NTM: variants seen among roughly 807,000 people sequenced by gnomAD.
NTM encodes IgLON family member 2.
A neutral mutation model predicts 42.1 loss-of-function variants in NTM; 13 were observed. The observed-to-expected ratio is 0.31, with a 90% CI of 0.20 to 0.49. The LOEUF is 0.49. NTM is among the 20% of genes least tolerant of loss of function. The pLI is 0.99. For synonymous variants in NTM, 187 were observed against 179.2 expected, an observed-to-expected ratio of 1.04 and a Z score of -0.35; for missense variants, 373 against 452.8, an observed-to-expected ratio of 0.82 and a Z score of 1.60.
At chr11:131,981,965 T>C (rs2065307265) in intron 2 of NTM, among the ~76,000 whole-genome samples, 1 of 151,768 alleles carries the variant, frequency 6.6e-6, no homozygotes. Context: ...TGAGCCAAGA[T>C]TGCACCACTG....
intron 4 of NTM, among the ~76,000 whole-genome samples, chr11:132,276,505 CT>C (rs1176972461): frequency 3.3e-5 from 5 of 152,138 alleles, no homozygotes; most frequent in Non-Finnish European, 7.4e-5. Context: ...TACTCCTTAA[CT>C]GAGGAGAGTG....
intron 1 of NTM, among the ~76,000 whole-genome samples, chr11:131,691,710 C>T (rs1266801836): frequency 1.3e-5 from 2 of 152,202 alleles, no homozygotes; most frequent in Admixed American, 6.5e-5. Flanking sequence ...CGCCAGGTGG[C>T]GCTGGCGCGT....
intron 2 of NTM, among the ~76,000 whole-genome samples, chr11:131,930,088 G>T (rs2134075678): frequency 6.6e-6 from 1 of 152,128 alleles, no homozygotes; most frequent in African/African-American, 2.4e-5. Flanking sequence ...GTGACTTTTT[G>T]GTCTGTATTT....
At chr11:131,591,264 G>T (rs1341202422) in intron 1 of NTM, among the ~76,000 whole-genome samples, 6 of 152,306 alleles carry the variant, frequency 3.9e-5, no homozygotes, top group East Asian at 3.9e-4. Context: ...GCACTGAAAG[G>T]TCCCTGGGGA....
intron 1 of NTM, among the ~76,000 whole-genome samples, chr11:131,391,660 A>AG (rs1345460306): frequency 9.3e-5 from 14 of 149,774 alleles, no homozygotes; most frequent in Non-Finnish European, 2.1e-4. Context: ...AAAAAAAAAA[A>AG]AAAGAAAAGA....
intron 1 of NTM, among the ~76,000 whole-genome samples, chr11:131,515,434 G>T (rs986574704): frequency 6.6e-6 from 1 of 152,256 alleles, no homozygotes; most frequent in East Asian, 1.9e-4. Flanking sequence ...TTAATCACCT[G>T]CAGCAGCAAC....
chr11:131,803,662 C>T (rs965549253), intron 1 of NTM, among the ~76,000 whole-genome samples: 1 of 152,186 alleles, frequency 6.6e-6, no homozygotes, highest in Admixed American at 6.5e-5. Context: ...AGCCAACCTA[C>T]TTGTTTCTGC....
chr11:132,296,590 G>C (rs901289188), intron 4 of NTM, among the ~76,000 whole-genome samples: 1 of 152,106 alleles, frequency 6.6e-6, no homozygotes, highest in South Asian at 2.1e-4. Context: ...AAGAGACGTC[G>C]CCATACTGAG....
chr11:131,998,573 T>A (rs1158696215), intron 2 of NTM, among the ~76,000 whole-genome samples: 1 of 152,156 alleles, frequency 6.6e-6, no homozygotes, highest in Admixed American at 6.5e-5. Context: ...AAAAACCTGA[T>A]CTTTAAAACC....
At chr11:132,312,486 G>A (rs1018886104) in intron 6 of NTM, 1 of 153,364 alleles carries the variant, frequency 6.5e-6, no homozygotes, top group Non-Finnish European at 1.5e-5. Flanking sequence ...AGAAACTGAG[G>A]CCTGGAAGCA....
At chr11:131,708,534 G>T (rs2076811069) in intron 1 of NTM, among the ~76,000 whole-genome samples, 1 of 152,032 alleles carries the variant, frequency 6.6e-6, no homozygotes, top group East Asian at 1.9e-4. Flanking sequence ...ATTTCCTAGG[G>T]TGATTAAAAA....
At chr11:131,447,179 T>C (rs1950123637) in intron 1 of NTM, among the ~76,000 whole-genome samples, 1 of 152,230 alleles carries the variant, frequency 6.6e-6, no homozygotes, top group Non-Finnish European at 1.5e-5. Context: ...AGGAATTGTA[T>C]ACGGGGATAG....
At chr11:132,049,225 GCAA>G (rs943392854) in intron 2 of NTM, among the ~76,000 whole-genome samples, 3 of 152,126 alleles carry the variant, frequency 2.0e-5, no homozygotes, top group Admixed American at 1.3e-4. Context: ...TCTGAAAACA[GCAA>G]CAACAAGAAC....
chr11:131,704,348 T>C (rs188504546), intron 1 of NTM, among the ~76,000 whole-genome samples: 3 of 152,226 alleles, frequency 2.0e-5, no homozygotes, highest in Admixed American at 2.0e-4. Context: ...CTGGCTCCTG[T>C]AGACCCAAGT....
rs534990784 is a variant in NTM, at chr11:131,396,240, C to T, written c.82+25352C>T. ...TCCTTCCTCACCTACAAAACGGGGT[C>T]CATATCTGTCATTTCCAAGGATAAG... On this transcript the variant is annotated intron_variant, in intron 1 of 8. Coordinates refer to ENST00000683400, the MANE Select transcript of NTM (RefSeq NM_001352005.2). Among the ~76,000 whole-genome samples, 197 of 152,324 alleles carry T rather than the reference C, an allele frequency of 1.3e-3. 1 individual carries two copies. Among genetic ancestry groups the T allele is most frequent in the Non-Finnish European group, 2.1e-3 (141 of 68,032 alleles).
chr11:132,136,088 C>G (rs1285115867), intron 2 of NTM, among the ~76,000 whole-genome samples: 2 of 152,164 alleles, frequency 1.3e-5, no homozygotes, highest in East Asian at 3.8e-4. Flanking sequence ...TCCTCACAGT[C>G]CACTAGAGAG....
intron 1 of NTM, among the ~76,000 whole-genome samples, chr11:131,515,313 C>T (rs772981480): frequency 3.9e-5 from 6 of 152,150 alleles, no homozygotes; most frequent in Non-Finnish European, 7.3e-5. Flanking sequence ...TTGTCAATTA[C>T]CTAGAGTGGT....
intron 1 of NTM, among the ~76,000 whole-genome samples, chr11:131,500,545 A>ATG (rs1390318191): frequency 8.7e-4 from 6 of 6,928 alleles, no homozygotes; most frequent in Non-Finnish European, 1.0e-3. Flanking sequence ...TATTTATTAT[A>ATG]TATATATATA....
chr11:131,513,772 GTAT>G (rs2048546601), intron 1 of NTM, among the ~76,000 whole-genome samples: 1 of 152,180 alleles, frequency 6.6e-6, no homozygotes, highest in Admixed American at 6.5e-5. Flanking sequence ...ATATTTATAA[GTAT>G]TGTTGTGTAA....
Sources: allele counts gnomAD v4.1 joint callset (sites outside exome capture counted in the v4.1 genomes callset), GRCh38; gene constraint gnomAD v4.1.1; transcripts MANE v1.5; gene names NCBI Gene and HGNC (gene_info 2026-07-23, HGNC 2026-07-21).